OR8G1: variants seen among roughly 807,000 people sequenced by gnomAD.
OR8G1 encodes the protein olfactory receptor 8G1.
For synonymous variants in OR8G1, 129 were observed against 133.3 expected (o/e 0.97, Z 0.22); for missense variants, 372 against 356.2 (o/e 1.04, Z -0.36).
At chr11:124,246,816 A>G (rs575864611) in intron 1 of OR8G1, among the ~76,000 whole-genome samples, 2 of 150,890 alleles carry the variant, frequency 1.3e-5, no homozygotes, top group East Asian at 2.0e-4. Context: ...TTCAGATTGT[A>G]TTCATTGATT....
chr11:124,243,617 T>C (rs1861781204), intron 1 of OR8G1, among the ~76,000 whole-genome samples: 1 of 152,022 alleles, frequency 6.6e-6, no homozygotes, highest in Admixed American at 6.6e-5. Context: ...ACGTATTCAT[T>C]GTATTGGCTA....
Position 124,249,186 on chromosome 11 carries a change from T to G in OR8G1, c.-16-474T>G, listed in dbSNP as rs181825060. Among the ~76,000 whole-genome samples, 494 of 152,216 alleles carry G rather than the reference T, an allele frequency of 3.2e-3. 2 individuals are homozygous for G. Among genetic ancestry groups the G allele is most frequent in the African/African-American group, 0.011 (475 of 41,536 alleles). ...TAATAATATTTTAAAATATGAAAAT[T>G]TTATGTATAAATCGAGATTTCTTGA... On this transcript the variant is annotated intron_variant, in intron 2 of 2. Transcript: ENST00000641972.
Position 124,250,039 on chromosome 11 carries a change from C to T in OR8G1, c.364C>T (p.Arg122Cys), listed in dbSNP as rs372358512. 26 of 1,613,814 alleles carry T rather than the reference C, an allele frequency of 1.6e-5. No individual in the cohort carries two copies. The highest frequency in any genetic ancestry group is 9.3e-5 in the African/African-American group (7 of 75,008). The change falls in exon 3 of 3, where the codon CGT becomes TGT. Residue 122 changes from arginine to cysteine, a missense_variant. Arg to Cys is a radical substitution (Grantham distance 180, BLOSUM62 -3). Transcript: ENST00000641972. Reference protein sequence around the residue: ...CHMLAAMAYDRYMAICSPLLY... With the variant: ...CHMLAAMAYDCYMAICSPLLY... ...CATGTTGGCTGCAATGGCGTATGAC[C>T]GTTACATGGCCATCTGTAGCCCCTT...
At position 124,251,833 on chromosome 11, in the gene OR8G1, G is replaced by A. The variant is rs557290268; in HGVS notation, c.*1222G>A. The A allele has an allele frequency of 7.8e-5, 12 of 153,322 alleles. No homozygotes were observed. The highest frequency in any genetic ancestry group is 5.2e-4 in the Admixed American group (8 of 15,498). 9.5% of individuals were successfully genotyped at this position (153,322 alleles called of 1,614,324 possible). A position where few individuals can be genotyped will look rare whatever the true frequency, so the allele number is the denominator to read the frequency against. ...AAATTCCTTGCTATGTAGATATTTA[G>A]TGAATTTTATGATATATAAAATATA... On this transcript the variant is annotated 3_prime_UTR_variant, in exon 3 of 3. Coordinates refer to ENST00000641972, the MANE Select transcript of OR8G1 (RefSeq NM_001002905.2).
Position 124,252,473 on chromosome 11 carries a change from A to G in OR8G1, c.*1862A>G, listed in dbSNP as rs545531068. 33 of 152,236 alleles carry G rather than the reference A, an allele frequency of 2.2e-4. No homozygotes were observed. The highest frequency in any genetic ancestry group is 7.9e-4 in the African/African-American group (33 of 41,532). The allele number at this position is 152,236 out of a possible 1,614,324, so 9.4% of individuals were successfully genotyped here. ...TGCATTACTTTTCCATATCATCCTT[A>G]TGTTCTCTTTCAGAAAAACTATCTC... On this transcript the variant is annotated 3_prime_UTR_variant, in exon 3 of 3. Coordinates refer to ENST00000641972, the MANE Select transcript of OR8G1 (RefSeq NM_001002905.2).
intron 1 of OR8G1, among the ~76,000 whole-genome samples, chr11:124,245,047 G>T (rs1452190655): frequency 6.6e-6 from 1 of 151,458 alleles, no homozygotes; most frequent in Non-Finnish European, 1.5e-5. Context: ...AAGTTTTAGG[G>T]TACATGTGCA....
Position 124,249,718 on chromosome 11 carries a change from G to T in OR8G1, c.43G>T (p.Ala15Ser), listed in dbSNP as rs750403205. The T allele has an allele frequency of 1.9e-6, 3 of 1,613,360 alleles. No individual in the cohort carries two copies. Among genetic ancestry groups the T allele is most frequent in the Non-Finnish European group, 1.7e-6 (2 of 1,179,728 alleles). Residue 15 changes from alanine (A) to serine (S), a missense_variant, in exon 3 of 3, where the codon GCT becomes TCT. Coordinates refer to ENST00000641972, the MANE Select transcript of OR8G1 (RefSeq NM_001002905.2). Reference sequence around the variant, plus strand: ...TTCCTCAGTGACTGAGTTCATTCTGGCTGGGCTCTCAGAACAGCCAGAGCT... The same window carrying T: ...TTCCTCAGTGACTGAGTTCATTCTGTCTGGGCTCTCAGAACAGCCAGAGCT... ...NNSSVTEFIL[A>S]GLSEQPELQL...
chr11:124,246,793 A>G (rs1043924264), intron 1 of OR8G1, among the ~76,000 whole-genome samples: 5 of 151,464 alleles, frequency 3.3e-5, no homozygotes, highest in Admixed American at 1.3e-4. Flanking sequence ...GTAATTTGCA[A>G]TGATTTACAT....
chr11:124,253,149 AGTGGCTCATGCCT>A lies in OR8G1; in HGVS notation c.*2541_*2553del, dbSNP rs1169104509. ...AAAACTATTTATGTTTGCTGAGTGC[AGTGGCTCATGCCT>A]GTAGTCCCAGCACTTTGGGGAGCTG... On this transcript the variant is annotated 3_prime_UTR_variant, in exon 3 of 3. Coordinates refer to ENST00000641972, the MANE Select transcript of OR8G1 (RefSeq NM_001002905.2). The A allele has an allele frequency of 1.3e-5, 2 of 152,220 alleles. No individual in the cohort carries two copies. Among genetic ancestry groups the A allele is most frequent in the African/African-American group, 2.4e-5 (1 of 41,470 alleles). 9.4% of individuals were successfully genotyped at this position (152,220 alleles called of 1,614,324 possible).
At chr11:124,249,422 A>C (rs1861841455) in intron 2 of OR8G1, among the ~76,000 whole-genome samples, 3 of 108,718 alleles carry the variant, frequency 2.8e-5, no homozygotes. Flanking sequence ...TGAAATATTT[A>C]AAAGAAGAAA....
intron 1 of OR8G1, among the ~76,000 whole-genome samples, chr11:124,244,288 A>T (rs926985377): frequency 6.6e-6 from 1 of 151,978 alleles, no homozygotes; most frequent in Admixed American, 6.6e-5. Context: ...TGATTCAGGA[A>T]CTTTTATTTT....
intron 2 of OR8G1, among the ~76,000 whole-genome samples, chr11:124,248,885 ATAGG>A (rs1322506366): frequency 2.6e-5 from 4 of 152,108 alleles, no homozygotes; most frequent in African/African-American, 7.2e-5. Context: ...AATTTTATTA[ATAGG>A]TAGGTAATAT....
intron 1 of OR8G1, among the ~76,000 whole-genome samples, chr11:124,246,735 A>T (rs1479019869): frequency 1.3e-5 from 2 of 151,838 alleles, no homozygotes; most frequent in African/African-American, 4.8e-5. Flanking sequence ...TTTAAGATGT[A>T]CTGAAATATT....
At chr11:124,243,379 C>T (rs1361979943) in intron 1 of OR8G1, among the ~76,000 whole-genome samples, 1 of 151,878 alleles carries the variant, frequency 6.6e-6, no homozygotes, top group Non-Finnish European at 1.5e-5. Context: ...CATGAGGACA[C>T]ATAAATAATA....
intron 2 of OR8G1, among the ~76,000 whole-genome samples, chr11:124,249,101 G>A (rs1861838873): frequency 6.6e-6 from 1 of 152,092 alleles, no homozygotes; most frequent in African/African-American, 2.4e-5. Context: ...CCAGATAACT[G>A]TGGGCCAGTC....
chr11:124,250,531 A>T lies in OR8G1; in HGVS notation c.856A>T (p.Asn286Tyr). 1.6e-6 allele frequency: 2 copies of T among 1,258,898 alleles called. No individual in the cohort carries two copies. The highest frequency in any genetic ancestry group is 1.9e-5 in the South Asian group (1 of 52,998). 78.0% of individuals were successfully genotyped at this position (1,258,898 alleles called of 1,614,324 possible). Reference protein sequence around the residue: ...VFYTIIVPMLNPLIYSLRNKD... With the variant: ...VFYTIIVPMLYPLIYSLRNKD... Reference sequence around the variant, plus strand: ...TTATACTATTATTGTGCCCATGTTGAACCCTCTGATTTATAGCCTGAGGAA... The same window carrying T: ...TTATACTATTATTGTGCCCATGTTGTACCCTCTGATTTATAGCCTGAGGAA... Residue 286 changes from asparagine to tyrosine, a missense_variant, in exon 3 of 3, where the codon AAC (asparagine) becomes TAC (tyrosine). Transcript: ENST00000641972.
chr11:124,243,750 G>A (rs1377257931), intron 1 of OR8G1, among the ~76,000 whole-genome samples: 2 of 151,952 alleles, frequency 1.3e-5, no homozygotes, highest in Non-Finnish European at 2.9e-5. Context: ...TTAAAGCAGG[G>A]AATGTGTCAT....
chr11:124,245,662 C>G (rs1238015582), intron 1 of OR8G1, among the ~76,000 whole-genome samples: 1 of 142,044 alleles, frequency 7.0e-6, no homozygotes, highest in East Asian at 2.0e-4. Flanking sequence ...TCTCCACATC[C>G]TCTCCAGCAC....
At chr11:124,242,837 CT>C (rs745479541) in intron 1 of OR8G1, among the ~76,000 whole-genome samples, 14 of 151,892 alleles carry the variant, frequency 9.2e-5, no homozygotes, top group Non-Finnish European at 2.1e-4. Context: ...TCAATTTTAG[CT>C]TGTTTTTTTT....
Sources: allele counts gnomAD v4.1 joint callset (sites outside exome capture counted in the v4.1 genomes callset), GRCh38; gene constraint gnomAD v4.1.1; transcripts MANE v1.5; gene names NCBI Gene and HGNC (gene_info 2026-07-23, HGNC 2026-07-21).